GSG1L: variants seen among roughly 807,000 people sequenced by gnomAD.
GSG1L encodes the protein GSG1 like, also known as germ cell-specific gene 1-like protein.
In GSG1L, 24 loss-of-function variants were observed where a neutral mutation model predicts 42.1. The ratio of observed to expected loss-of-function variants is 0.57; its 90% CI spans 0.41 to 0.80. The LOEUF is 0.80. GSG1L is among the 30% of genes least tolerant of loss of function. GSG1L has a pLI of 0.00. For synonymous variants in GSG1L, 215 were observed against 203.5 expected (o/e 1.06, Z -0.48); for missense variants, 445 against 472.2 (o/e 0.94, Z 0.53).
At chr16:28,009,369 C>T (rs145338563) in intron 1 of GSG1L, among the ~76,000 whole-genome samples, 1 of 152,060 alleles carries the variant, frequency 6.6e-6, no homozygotes. Context: ...GCACCCCTGC[C>T]CCCCCTGCAT....
chr16:27,850,565 A>G (rs760692858), intron 3 of GSG1L: 1 of 455,962 alleles, frequency 2.2e-6, no homozygotes, highest in South Asian at 1.5e-5. Context: ...GGGACCAGCA[A>G]AGAAAGCTGA....
chr16:27,825,074 G>A (rs1046670545), intron 5 of GSG1L, among the ~76,000 whole-genome samples: 1 of 152,176 alleles, frequency 6.6e-6, no homozygotes, highest in African/African-American at 2.4e-5. Flanking sequence ...CCTACACCGA[G>A]CAATCACATC....
chr16:27,842,294 A>G (rs2083394516), intron 4 of GSG1L, among the ~76,000 whole-genome samples: 1 of 152,216 alleles, frequency 6.6e-6, no homozygotes, highest in Non-Finnish European at 1.5e-5. Flanking sequence ...CATCACAGAA[A>G]GCACATCAAT....
At chr16:27,799,904 C>A (rs573325610) in intron 6 of GSG1L, among the ~76,000 whole-genome samples, 1 of 152,260 alleles carries the variant, frequency 6.6e-6, no homozygotes, top group East Asian at 1.9e-4. Flanking sequence ...CAGGTATTGG[C>A]CGAGGGTTGA....
intron 6 of GSG1L, 45 bp from the exon 7 acceptor site, chr16:27,791,512 A>C: frequency 7.5e-7 from 1 of 1,335,016 alleles, no homozygotes. Context: ...ACCTTCCTCC[A>C]CCCACATCCT....
chr16:27,915,193 ATG>A (rs1226468207), intron 2 of GSG1L, among the ~76,000 whole-genome samples: 8 of 119,708 alleles, frequency 6.7e-5, no homozygotes, highest in African/African-American at 2.7e-4. Context: ...CCCCCAGAGG[ATG>A]TACACACACA....
chr16:28,039,442 C>T (rs2086079906), intron 1 of GSG1L, among the ~76,000 whole-genome samples: 3 of 151,924 alleles, frequency 2.0e-5, no homozygotes, highest in Admixed American at 2.0e-4. Context: ...CAGGATTGGC[C>T]CCCCACCCCC....
chr16:27,848,798 G>T (rs918795762), intron 3 of GSG1L, among the ~76,000 whole-genome samples: 1 of 152,032 alleles, frequency 6.6e-6, no homozygotes, highest in African/African-American at 2.4e-5. Flanking sequence ...AGGAGCTGAG[G>T]GCAGCCATGC....
Position 27,890,929 on chromosome 16 carries a change from G to T in GSG1L, c.398-6291C>A, listed in dbSNP as rs751883488. Reference sequence around the variant, plus strand: ...CAGTGGCAGGGGGCTGTGGAAGTGCGGCAGACACAGCCGGTGCGGTGCTCC... The same window carrying T: ...CAGTGGCAGGGGGCTGTGGAAGTGCTGCAGACACAGCCGGTGCGGTGCTCC... On this transcript the variant is annotated intron_variant, in intron 2 of 6. Coordinates refer to ENST00000447459, the MANE Select transcript of GSG1L (RefSeq NM_001109763.2). Among the ~76,000 whole-genome samples, 9 of 152,144 alleles carry T rather than the reference G, an allele frequency of 5.9e-5. 1 individual carries two copies. Among genetic ancestry groups the T allele is most frequent in the African/African-American group, 1.4e-4 (6 of 41,420 alleles).
At chr16:27,910,131 T>A (rs2084369895) in intron 2 of GSG1L, among the ~76,000 whole-genome samples, 1 of 148,646 alleles carries the variant, frequency 6.7e-6, no homozygotes, top group South Asian at 2.1e-4. Flanking sequence ...GGCTACTTTT[T>A]TTTTTTTTTT....
chr16:28,060,528 A>G (rs747491923), intron 1 of GSG1L, among the ~76,000 whole-genome samples: 5 of 152,204 alleles, frequency 3.3e-5, no homozygotes, highest in Non-Finnish European at 7.3e-5. Flanking sequence ...TTTATGCAAC[A>G]AACTAACCAT....
chr16:27,820,934 C>T (rs926340859), intron 5 of GSG1L, among the ~76,000 whole-genome samples: 24 of 152,200 alleles, frequency 1.6e-4, no homozygotes, highest in Admixed American at 5.2e-4. Flanking sequence ...AAATGTGCTT[C>T]GTGTGTCGGC....
At chr16:28,001,695 G>A (rs930896910) in intron 1 of GSG1L, among the ~76,000 whole-genome samples, 3 of 152,132 alleles carry the variant, frequency 2.0e-5, no homozygotes, top group African/African-American at 7.2e-5. Flanking sequence ...GGACAAATGG[G>A]GTTCCTCCTG....
At position 28,063,520 on chromosome 16, in the gene GSG1L, GC is replaced by G; in HGVS notation, c.-97del. On this transcript the variant is annotated 5_prime_UTR_variant, in exon 1 of 7. An upstream open reading frame in the 5' UTR loses its in-frame stop. Coordinates refer to ENST00000447459, the MANE Select transcript of GSG1L (RefSeq NM_001109763.2). The surrounding 1 kb of genome is among the most constrained non-coding windows in gnomAD (Gnocchi z 5.8). ...CGCGTCAGCGGCCGCTGCCCGCCGCGCCCCGGGGCTCGGGTGCCTGAGATCG... is the reference window on the plus strand; with the variant it reads ...CGCGTCAGCGGCCGCTGCCCGCCGCGCCCGGGGCTCGGGTGCCTGAGATCG... The G allele has an allele frequency of 1.3e-6, 1 of 766,180 alleles. No individual in the cohort carries two copies. Among genetic ancestry groups the G allele is most frequent in the Non-Finnish European group, 1.7e-6 (1 of 605,716 alleles). The allele number at this position is 766,180 out of a possible 1,614,324, so 47.5% of individuals were successfully genotyped here.
At chr16:27,859,412 C>T (rs1251705915) in intron 3 of GSG1L, among the ~76,000 whole-genome samples, 5 of 152,238 alleles carry the variant, frequency 3.3e-5, no homozygotes, top group Non-Finnish European at 7.3e-5. Context: ...GTCTCGGCAC[C>T]ATGCCCTAGT....
At chr16:27,979,667 G>A (rs1304311627) in intron 1 of GSG1L, among the ~76,000 whole-genome samples, 56 of 88,946 alleles carry the variant, frequency 6.3e-4, no homozygotes, top group Middle Eastern at 5.2e-3. Flanking sequence ...AAGAAAGAGA[G>A]AGAGAGAGAG....
chr16:27,975,641 T>G (rs1328921282), intron 1 of GSG1L, among the ~76,000 whole-genome samples: 1 of 152,214 alleles, frequency 6.6e-6, no homozygotes, highest in African/African-American at 2.4e-5. Flanking sequence ...CCTGAAATCC[T>G]GAGAATTCAT....
chr16:27,963,560 C>A (rs2085094866), intron 1 of GSG1L, among the ~76,000 whole-genome samples: 2 of 152,196 alleles, frequency 1.3e-5, no homozygotes. Context: ...CTGGAGGGAT[C>A]ATTTCAAAAC....
At chr16:27,799,905 C>T (rs1253124824) in intron 6 of GSG1L, among the ~76,000 whole-genome samples, 4 of 152,066 alleles carry the variant, frequency 2.6e-5, no homozygotes, top group African/African-American at 7.2e-5. Context: ...AGGTATTGGC[C>T]GAGGGTTGAG....
Sources: allele counts gnomAD v4.1 joint callset (sites outside exome capture counted in the v4.1 genomes callset), GRCh38; gene constraint gnomAD v4.1.1; non-coding constraint Gnocchi (gnomAD v3.1); transcripts MANE v1.5; gene names NCBI Gene and HGNC (gene_info 2026-07-23, HGNC 2026-07-21).